Variants in AMPD3 observed in about 807,000 individuals in gnomAD.
The protein encoded by AMPD3 is adenosine monophosphate deaminase 3, also known as AMP deaminase 3.
A neutral mutation model predicts 82.3 loss-of-function variants in AMPD3; 57 were observed. The ratio of observed to expected loss-of-function variants is 0.69; its 90% CI spans 0.56 to 0.86. AMPD3 has a LOEUF of 0.86. Ranked by LOEUF, AMPD3 falls within the 40% of genes least tolerant of loss-of-function variation. AMPD3 has a pLI of 0.00. For missense variants in AMPD3, 870 were observed against 1,003.8 expected, an observed-to-expected ratio of 0.87 and a Z score of 1.80; for synonymous variants, 381 against 394.7, an observed-to-expected ratio of 0.97 and a Z score of 0.41.
At chr11:10,488,291 G>T (rs1849138481) in intron 6 of AMPD3, 1 of 985,334 alleles carries the variant, frequency 1.0e-6, no homozygotes, top group Non-Finnish European at 1.2e-6. Context: ...GGGGGTGTTT[G>T]ATGGTGAGCA....
chr11:10,493,097 G>T (rs1849285349), intron 6 of AMPD3, among the ~76,000 whole-genome samples: 1 of 152,170 alleles, frequency 6.6e-6, no homozygotes, highest in African/African-American at 2.4e-5. Flanking sequence ...CTGGGGAATG[G>T]CCTGATCCAA....
At position 10,500,245 on chromosome 11, in the gene AMPD3, C is replaced by T. The variant is rs3741040; in HGVS notation, c.1717C>T (p.Arg573Cys). The T allele has an allele frequency of 2.4e-4, 395 of 1,614,242 alleles. 3 individuals carry two copies. In the East Asian group the frequency reaches 8.4e-3, roughly 34 times the overall value. Reference sequence around the variant, plus strand: ...CAACATCATGGTGCTCAACAACCTCCGCAGGTGCGTGAGGCCTGCCCTCGC... The same window carrying T: ...CAACATCATGGTGCTCAACAACCTCTGCAGGTGCGTGAGGCCTGCCCTCGC... Reference protein sequence around the residue: ...YANIMVLNNLRRERGLSTFLF... With the variant: ...YANIMVLNNLCRERGLSTFLF... Residue 573 changes from arginine to cysteine, a missense_variant, in exon 11 of 15, where the codon CGC (arginine) becomes TGC (cysteine). Coordinates refer to ENST00000396553, the MANE Select transcript of AMPD3 (RefSeq NM_001025389.2).
chr11:10,501,243 C>T (rs1160087124), intron 11 of AMPD3: 1 of 985,250 alleles, frequency 1.0e-6, no homozygotes, highest in African/African-American at 1.7e-5. Flanking sequence ...TCTCTTTCTA[C>T]TGCGAGGCCC....
At chr11:10,479,286 G>A (rs755692217) in intron 3 of AMPD3, among the ~76,000 whole-genome samples, 13 of 152,200 alleles carry the variant, frequency 8.5e-5, no homozygotes, top group Admixed American at 6.5e-5. Flanking sequence ...CACCTGATTG[G>A]ATGATGCATT....
chr11:10,502,753 T>C lies in AMPD3; in HGVS notation c.1875T>C (p.Ala625=). Residue 625 remains alanine (A), a synonymous_variant, in exon 13 of 15, where the codon GCT becomes GCC. Coordinates refer to ENST00000396553, the MANE Select transcript of AMPD3 (RefSeq NM_001025389.2). ...SPVLQYLYYL[A]QIPIAMSPLS... ...TATTGCAGTATCTCTACTACCTTGCTCAGATCCCCATTGCCATGTCTCCTC... is the reference window on the plus strand; with the variant it reads ...TATTGCAGTATCTCTACTACCTTGCCCAGATCCCCATTGCCATGTCTCCTC... The C allele has an allele frequency of 6.2e-7, 1 of 1,614,248 alleles. No individual in the cohort carries two copies. Among genetic ancestry groups the C allele is most frequent in the African/African-American group, 1.3e-5 (1 of 75,064 alleles).
At chr11:10,467,862 T>C (rs1166423193) in intron 2 of AMPD3, among the ~76,000 whole-genome samples, 1 of 152,194 alleles carries the variant, frequency 6.6e-6, no homozygotes, top group Non-Finnish European at 1.5e-5. Context: ...GGGCCAATAT[T>C]CAACATTCTT....
At chr11:10,502,430 C>G in intron 12 of AMPD3, 4 of 985,214 alleles carry the variant, frequency 4.1e-6, no homozygotes, top group Non-Finnish European at 4.8e-6. Context: ...AGTGGGCTGC[C>G]CTTCCTGCCC....
At chr11:10,497,749 G>A (rs1849458496) in intron 10 of AMPD3, 1 of 985,330 alleles carries the variant, frequency 1.0e-6, no homozygotes, top group Non-Finnish European at 1.2e-6. Context: ...GTGAGAGTCA[G>A]GGGCCTGCCT....
Position 10,495,133 on chromosome 11 carries a change from G to A in AMPD3, c.1266+103G>A, listed in dbSNP as rs1849356004. 2.1e-5 allele frequency: 33 copies of A among 1,609,084 alleles called. 1 individual carries two copies. The South Asian group carries it at 3.5e-4, about 17-fold the overall frequency. ...GCCCCTGGCCCCTTCCCCTCCCTCTGTGTACCATCAGCTCAGGGAAGGGTG... is the reference window on the plus strand; with the variant it reads ...GCCCCTGGCCCCTTCCCCTCCCTCTATGTACCATCAGCTCAGGGAAGGGTG... On this transcript the variant is annotated intron_variant, in intron 8 of 14. Coordinates refer to ENST00000396553, the MANE Select transcript of AMPD3 (RefSeq NM_001025389.2).
rs1031653860 is a variant in AMPD3, at chr11:10,502,835, C to T, written c.1957C>T (p.His653Tyr). The change falls in exon 13 of 15, where the codon CAC becomes TAC. Residue 653 changes from histidine to tyrosine, a missense_variant. Coordinates refer to ENST00000396553, the MANE Select transcript of AMPD3 (RefSeq NM_001025389.2). Reference protein sequence around the residue: ...YSKNPLREFLHKGLHVSLSTD... With the variant: ...YSKNPLREFLYKGLHVSLSTD... The stretch of plus-strand genomic sequence containing the variant: ...CAAGAACCCTCTGAGGGAATTCCTA[C>T]ACAAGGGACTGCATGTTTCTCTTTC... 1 of 1,614,094 alleles carries T rather than the reference C, an allele frequency of 6.2e-7. No individual in the cohort carries two copies. Among genetic ancestry groups the T allele is most frequent in the Admixed American group, 1.7e-5 (1 of 60,018 alleles).
At chr11:10,496,267 G>T (rs190637962) in intron 9 of AMPD3, 1 of 985,372 alleles carries the variant, frequency 1.0e-6, no homozygotes, top group Admixed American at 6.1e-5. Context: ...GGCCTTGGGG[G>T]AACTACTACC....
At chr11:10,498,929 G>T (rs1849498874) in intron 10 of AMPD3, among the ~76,000 whole-genome samples, 1 of 152,216 alleles carries the variant, frequency 6.6e-6, no homozygotes, top group Admixed American at 6.5e-5. Flanking sequence ...CAGCCAGAAG[G>T]CTCCAGTGAC....
At chr11:10,497,079 A>T in intron 10 of AMPD3, 141 bp downstream of exon 10, 1 of 1,085,502 alleles carries the variant, frequency 9.2e-7, no homozygotes, top group South Asian at 1.3e-5. Flanking sequence ...TGGGGTCACC[A>T]GCCCCAAGAA....
chr11:10,483,093 A>T (rs10840425), intron 4 of AMPD3, among the ~76,000 whole-genome samples: 61 of 152,102 alleles, frequency 4.0e-4, no homozygotes, highest in Admixed American at 6.5e-4. Flanking sequence ...AGGATTAAAC[A>T]GGAGAATGCA....
intron 2 of AMPD3, among the ~76,000 whole-genome samples, chr11:10,468,334 A>C (rs7951269): frequency 7.9e-6 from 1 of 126,490 alleles, no homozygotes; most frequent in Non-Finnish European, 1.9e-5. Context: ...TTTACCAAGC[A>C]AATGGAAAGA....
At chr11:10,450,640 C>A (rs1413157334), upstream of AMPD3, 1 of 1,001,962 alleles carries the variant, frequency 1.0e-6, no homozygotes, top group African/African-American at 1.7e-5. Flanking sequence ...CAGGAGGCGG[C>A]GGGTGCTTCC....
rs1240462774 is a variant in AMPD3, at chr11:10,460,058, ATATATAT to A, written c.-5-1449_-5-1443del. Among the ~76,000 whole-genome samples the A allele has an allele frequency of 2.8e-5, 4 of 144,706 alleles. No individual in the cohort carries two copies. In the East Asian group the frequency reaches 5.9e-4, roughly 21 times the overall value. The allele number at this position is 144,706 out of a possible 152,430, so 94.9% of individuals were successfully genotyped here. The stretch of plus-strand genomic sequence containing the variant: ...ATATATAAAATATATATTATATATA[ATATATAT>A]TATATATAATATATATTTTATATAT... On this transcript the variant is annotated intron_variant, in intron 1 of 14. Transcript: ENST00000396553.
chr11:10,461,414 C>A (rs745794355), intron 1 of AMPD3, 101 bp from the exon 2 acceptor site: 2 of 1,604,608 alleles, frequency 1.2e-6, no homozygotes, highest in Non-Finnish European at 1.7e-6. Context: ...ACAGCTGACC[C>A]CAAGTACCAG....
rs527462081 is a variant in AMPD3, at chr11:10,505,694, C to T, written c.2128-14C>T. 4.3e-6 allele frequency: 7 copies of T among 1,612,664 alleles called. No homozygotes were observed. Among genetic ancestry groups the T allele is most frequent in the African/African-American group, 1.3e-5 (1 of 74,908 alleles). The stretch of plus-strand genomic sequence containing the variant: ...AAAGTATATAGTTTCATTTGTATTT[C>T]TCTTGGTCCACAGGAAAAGCAAAAG... On this transcript the variant is annotated splice_polypyrimidine_tract_variant and intron_variant, in intron 14 of 14. Coordinates refer to ENST00000396553, the MANE Select transcript of AMPD3 (RefSeq NM_001025389.2).
Sources: gnomAD v4.1 joint callset for allele counts (sites outside exome capture counted in the v4.1 genomes callset) on GRCh38, gnomAD v4.1.1 for gene constraint, MANE v1.5 for transcripts, NCBI Gene and HGNC (gene_info 2026-07-23, HGNC 2026-07-21) for gene names.